The following NOL4L variants were observed in gnomAD, a reference collection of about 807,000 sequenced individuals.
NOL4L encodes the protein nucleolar protein 4-like.
NOL4L carries 7 observed loss-of-function variants against 64.5 expected under a neutral mutation model. That is an observed-to-expected ratio of 0.11 (90% CI 0.06 to 0.20). The LOEUF is 0.20. Among genes scored for constraint, NOL4L ranks in the 10% least tolerant of loss-of-function variants. The pLI, the probability that NOL4L is intolerant of heterozygous loss-of-function variation, is 1.00. For missense variants in NOL4L, 680 were observed against 967.1 expected, an observed-to-expected ratio of 0.70 and a Z score of 3.94; for synonymous variants, 413 against 401.0, an observed-to-expected ratio of 1.03 and a Z score of -0.36.
intron 4 of NOL4L, among the ~76,000 whole-genome samples, chr20:32,478,413 T>A (rs983922507): frequency 6.6e-6 from 1 of 152,140 alleles, no homozygotes; most frequent in African/African-American, 2.4e-5. Flanking sequence ...CCTTGTTAGC[T>A]AGGAAAAGGG....
In NOL4L at chr20:32,443,522, A is replaced by G. The variant is rs1460177810; in HGVS notation, c.*4074T>C. On this transcript the variant is annotated 3_prime_UTR_variant, in exon 11 of 11. Transcript: ENST00000621426. The stretch of plus-strand genomic sequence containing the variant: ...CCACTGTTTGCCTTAAGTGCTTACT[A>G]TCTGGAGCCCTGTGCCCCTCCCCGG... 6.6e-6 allele frequency: 1 copy of G among 152,268 alleles called. No homozygotes were observed. Among genetic ancestry groups the G allele is most frequent in the Non-Finnish European group, 1.5e-5 (1 of 68,062 alleles). 9.4% of individuals were successfully genotyped at this position (152,268 alleles called of 1,614,324 possible).
intron 1 of NOL4L, among the ~76,000 whole-genome samples, chr20:32,575,264 G>A (rs779510167): frequency 6.6e-6 from 1 of 152,030 alleles, no homozygotes; most frequent in Non-Finnish European, 1.5e-5. Context: ...GGACCCCACT[G>A]TGGTTCTCAA....
In NOL4L at chr20:32,505,241, AG is replaced by A. The variant is rs563275959; in HGVS notation, c.699+6105del. Among the ~76,000 whole-genome samples, 113 of 152,264 alleles carry A rather than the reference AG, an allele frequency of 7.4e-4. No homozygotes were observed. The Middle Eastern group carries it at 0.01, about 14-fold the overall frequency. On this transcript the variant is annotated intron_variant, in intron 4 of 10. Transcript: ENST00000621426. ...CCATATTTTGGGGGTCTTTCTGGGCAGGGGGGAGATTGAGAGGGTTCATAAG... is the reference window on the plus strand; with the variant it reads ...CCATATTTTGGGGGTCTTTCTGGGCAGGGGGAGATTGAGAGGGTTCATAAG...
At chr20:32,520,181 G>C (rs2017867335) in intron 3 of NOL4L, 1 of 152,044 alleles carries the variant, frequency 6.6e-6, no homozygotes, top group African/African-American at 2.4e-5. Flanking sequence ...AGCTACCCGG[G>C]AGGCTGAGGC....
intron 4 of NOL4L, chr20:32,510,034 A>C: frequency 9.7e-7 from 1 of 1,029,278 alleles, no homozygotes; most frequent in Non-Finnish European, 1.4e-6. Flanking sequence ...TCTATAACCA[A>C]CAACAAAAGC....
At chr20:32,485,080 AAAAAAAAC>A (rs1439197085) in intron 4 of NOL4L, among the ~76,000 whole-genome samples, 5 of 147,980 alleles carry the variant, frequency 3.4e-5, no homozygotes, top group Non-Finnish European at 7.5e-5. Context: ...AAAAAAAAAA[AAAAAAAAC>A]AACTAAAAAA....
intron 5 of NOL4L, among the ~76,000 whole-genome samples, chr20:32,458,061 G>A (rs750518894): frequency 1.3e-5 from 2 of 152,162 alleles, no homozygotes; most frequent in Non-Finnish European, 2.9e-5. Context: ...TCCTCCACCC[G>A]GGAACCAGAC....
intron 1 of NOL4L, among the ~76,000 whole-genome samples, chr20:32,563,761 G>A (rs1979242558): frequency 6.6e-6 from 1 of 152,190 alleles, no homozygotes; most frequent in Non-Finnish European, 1.5e-5. Context: ...CAGCTGACAA[G>A]CCATAGCGCT....
chr20:32,508,821 C>T (rs1036993214), intron 4 of NOL4L, among the ~76,000 whole-genome samples: 9 of 152,178 alleles, frequency 5.9e-5, no homozygotes, highest in South Asian at 4.1e-4. Context: ...TCATGAACTT[C>T]GGTTCATCCC....
intron 10 of NOL4L, among the ~76,000 whole-genome samples, chr20:32,448,886 C>T (rs932450700): frequency 6.6e-6 from 1 of 152,206 alleles, no homozygotes; most frequent in African/African-American, 2.4e-5. Flanking sequence ...TTTAACTTCT[C>T]TGGGCCTCAG....
At position 32,507,002 on chromosome 20, in the gene NOL4L, A is replaced by G. The variant is rs1193940242; in HGVS notation, c.699+4345T>C. Among the ~76,000 whole-genome samples, 3 of 152,188 alleles carry G rather than the reference A, an allele frequency of 2.0e-5. No homozygotes were observed. The South Asian group carries it at 6.2e-4, about 32-fold the overall frequency. ...ATTAGCTCTGCTCCAGGAACTGCAG[A>G]GAGGGAGGCAAGGGAGGTGCCCACA... is the stretch of plus-strand genomic sequence containing the variant. On this transcript the variant is annotated intron_variant, in intron 4 of 10. Coordinates refer to ENST00000621426, the MANE Select transcript of NOL4L (RefSeq NM_001256798.2).
Position 32,456,119 on chromosome 20 carries a change from T to G in NOL4L, c.1118A>C (p.Glu373Ala), listed in dbSNP as rs766365651. Residue 373 changes from glutamate (E) to alanine (A), a missense_variant and splice_region_variant, in exon 6 of 11, where the codon GAG (glutamate) becomes GCG (alanine). This residue lies in a region of NOL4L where 254 missense variants were observed against 238.7 expected (regional missense o/e 1.06). Coordinates refer to ENST00000621426, the MANE Select transcript of NOL4L (RefSeq NM_001256798.2). ...GACTCAGCCCCCAGCCCCACACACC[T>G]CGGGGGTGGTCTTCACCCCGTATTT... ...RVKYGVKTTP[E>A]SPPYSSGSYD... 17 of 1,524,462 alleles carry G rather than the reference T, an allele frequency of 1.1e-5. No individual in the cohort carries two copies. The highest frequency in any genetic ancestry group is 1.4e-5 in the Non-Finnish European group (16 of 1,133,292). The allele number at this position is 1,524,462 out of a possible 1,614,324, so 94.4% of individuals were successfully genotyped here.
In NOL4L at chr20:32,464,501, A is replaced by G. The variant is rs1337606422; in HGVS notation, c.842-8106T>C. 6.6e-6 allele frequency among the ~76,000 whole-genome samples: 1 copy of G among 152,152 alleles called. No individual in the cohort carries two copies. Among genetic ancestry groups the G allele is most frequent in the Non-Finnish European group, 1.5e-5 (1 of 68,020 alleles). On this transcript the variant is annotated intron_variant, in intron 5 of 10. Coordinates refer to ENST00000621426, the MANE Select transcript of NOL4L (RefSeq NM_001256798.2). The surrounding 1 kb of genome is among the most constrained non-coding windows in gnomAD (Gnocchi z 5.6). ...GCCCCAGCCACGGAGCAGGGAGCCC[A>G]TGCCCCCCATCTGGGTGCCACACTT...
At chr20:32,584,510 C>G in intron 1 of NOL4L, 60 bp downstream of exon 1, 1 of 1,063,922 alleles carries the variant, frequency 9.4e-7, no homozygotes, top group Non-Finnish European at 1.2e-6. Flanking sequence ...ACCCCGCCCC[C>G]GCCCGCCTGC....
At position 32,445,185 on chromosome 20, in the gene NOL4L, G is replaced by A. The variant is rs2012276718; in HGVS notation, c.*2411C>T. The A allele has an allele frequency of 6.6e-6, 1 of 152,192 alleles. No individual in the cohort carries two copies. 9.4% of individuals were successfully genotyped at this position (152,192 alleles called of 1,614,324 possible). A position where few individuals can be genotyped will look rare whatever the true frequency, so the allele number is the denominator to read the frequency against. ...TCTCTTGAAAACACATTGAACCTAC[G>A]CTCTTGCCGCAGTACTAAGGCAGGC... On this transcript the variant is annotated 3_prime_UTR_variant, in exon 11 of 11. Transcript: ENST00000621426.
At chr20:32,512,924 C>T (rs2017473194) in intron 3 of NOL4L, among the ~76,000 whole-genome samples, 1 of 152,116 alleles carries the variant, frequency 6.6e-6, no homozygotes, top group African/African-American at 2.4e-5. Flanking sequence ...TATTTCTTGC[C>T]TTTTTGGAAC....
intron 3 of NOL4L, among the ~76,000 whole-genome samples, chr20:32,514,416 C>T (rs932911909): frequency 3.0e-4 from 45 of 152,054 alleles, no homozygotes; most frequent in African/African-American, 1.0e-3. Flanking sequence ...CACTGGAACC[C>T]GGGAGGTGGA....
intron 2 of NOL4L, among the ~76,000 whole-genome samples, chr20:32,522,412 A>G (rs2017978298): frequency 6.6e-6 from 1 of 152,230 alleles, no homozygotes. Context: ...TGGGAGAGCA[A>G]CATCAGGGAT....
intron 5 of NOL4L, among the ~76,000 whole-genome samples, chr20:32,467,260 G>A (rs755164817): frequency 1.3e-5 from 2 of 152,096 alleles, no homozygotes; most frequent in Non-Finnish European, 2.9e-5. Context: ...CCATCAGTGT[G>A]GGCACCTGGA....
Sources: gnomAD v4.1 joint callset for allele counts (sites outside exome capture counted in the v4.1 genomes callset) on GRCh38, gnomAD v4.1.1 for gene constraint, gnomAD v4.1.1 regional missense constraint, Gnocchi (gnomAD v3.1) non-coding constraint, MANE v1.5 for transcripts, NCBI Gene and HGNC (gene_info 2026-07-23, HGNC 2026-07-21) for gene names.